Variants in SLC7A1 observed in about 807,000 individuals in gnomAD.
SLC7A1 encodes solute carrier family 7 member 1, also known as high affinity cationic amino acid transporter 1.
A neutral mutation model predicts 53.9 loss-of-function variants in SLC7A1; 10 were observed. That is an observed-to-expected ratio of 0.19 (90% CI 0.11 to 0.31). The LOEUF is 0.31. SLC7A1 is among the 10% of genes least tolerant of loss of function. The pLI, the probability that SLC7A1 is intolerant of heterozygous loss-of-function variation, is 1.00. For synonymous variants in SLC7A1, 342 were observed against 338.7 expected (o/e 1.01, Z -0.11); for missense variants, 525 against 827.2 (o/e 0.63, Z 4.48).
intron 1 of SLC7A1, among the ~76,000 whole-genome samples, chr13:29,561,811 ATGG>A (rs1870770168): frequency 6.6e-6 from 1 of 152,108 alleles, no homozygotes; most frequent in African/African-American, 2.4e-5. Flanking sequence ...GGCCCCACAC[ATGG>A]CACCACCGGA....
intron 1 of SLC7A1, among the ~76,000 whole-genome samples, chr13:29,586,013 T>G (rs1871864814): frequency 6.6e-6 from 1 of 152,210 alleles, no homozygotes; most frequent in Admixed American, 6.5e-5. Context: ...GCCCAAAGGT[T>G]CCTTAGTTAC....
chr13:29,537,683 A>G (rs1367091068), intron 2 of SLC7A1, among the ~76,000 whole-genome samples: 2 of 152,184 alleles, frequency 1.3e-5, no homozygotes, highest in Non-Finnish European at 2.9e-5. Flanking sequence ...TATAAATCTA[A>G]CACTATCCTA....
At position 29,588,763 on chromosome 13, in the gene SLC7A1, C is replaced by T. The variant is rs1232451137; in HGVS notation, c.-115+6653G>A. 3.3e-5 allele frequency among the ~76,000 whole-genome samples: 5 copies of T among 152,146 alleles called. 1 individual carries two copies. In the East Asian group the frequency reaches 9.6e-4, roughly 29 times the overall value. Reference sequence around the variant, plus strand: ...CAAGTGATCTGTTTGCCTCAGCCTCCCAAAGTGCTGGGATTACAGGCGTGA... The same window carrying T: ...CAAGTGATCTGTTTGCCTCAGCCTCTCAAAGTGCTGGGATTACAGGCGTGA... On this transcript the variant is annotated intron_variant, in intron 1 of 12. Transcript: ENST00000380752.
intron 1 of SLC7A1, among the ~76,000 whole-genome samples, chr13:29,568,714 GGAGAAAAAA>G: frequency 6.6e-6 from 1 of 152,160 alleles, no homozygotes; most frequent in Non-Finnish European, 1.5e-5. Flanking sequence ...AGAAGGGGAA[GGAGAAAAAA>G]GAGAAAGAAG....
chr13:29,523,160 G>T, intron 7 of SLC7A1, 106 bp downstream of exon 7: 1 of 905,408 alleles, frequency 1.1e-6, no homozygotes, highest in Non-Finnish European at 1.8e-6. Flanking sequence ...GGTAAAGAAT[G>T]CTGGCAGCCG....
chr13:29,514,659 C>A, intron 12 of SLC7A1, 76 bp from the exon 13 acceptor site: 3 of 1,147,550 alleles, frequency 2.6e-6, no homozygotes, highest in Non-Finnish European at 3.8e-6. Flanking sequence ...GAGCCCAGGG[C>A]GGTCCCACAG....
rs957935993 is a variant in SLC7A1, at chr13:29,535,819, C to T, written c.370G>A (p.Gly124Ser). 2 of 1,611,000 alleles carry T rather than the reference C, an allele frequency of 1.2e-6. No individual in the cohort carries two copies. The highest frequency in any genetic ancestry group is 1.7e-6 in the Non-Finnish European group (2 of 1,177,406). ...GWNLILSYII[G>S]TSSVARAWSA... ...CGAGCTCCGGACCCCTGGGACCTACCGATGATGTAGGAGAGGATTAAGTTC... is the reference window on the plus strand; with the variant it reads ...CGAGCTCCGGACCCCTGGGACCTACTGATGATGTAGGAGAGGATTAAGTTC... The change falls in exon 3 of 13, where the codon GGT (glycine) becomes AGT (serine). Residue 124 changes from glycine (G) to serine (S), a missense_variant and splice_region_variant. Physicochemically the swap from Gly to Ser is moderately conservative, Grantham distance 56. Around this residue, in one of 4 missense-constraint regions of SLC7A1, gnomAD observed 354 missense variants for 587.5 expected, o/e 0.60. Coordinates refer to ENST00000380752, the MANE Select transcript of SLC7A1 (RefSeq NM_003045.5).
chr13:29,567,627 T>A (rs549779518), intron 1 of SLC7A1, among the ~76,000 whole-genome samples: 1 of 152,218 alleles, frequency 6.6e-6, no homozygotes, highest in East Asian at 1.9e-4. Flanking sequence ...CTCCTGGGTG[T>A]TTACAAGCTG....
chr13:29,526,720 A>G (rs750266945), intron 5 of SLC7A1, among the ~76,000 whole-genome samples: 80 of 152,298 alleles, frequency 5.3e-4, no homozygotes, highest in Middle Eastern at 3.4e-3. Flanking sequence ...GCAGACAGGT[A>G]AAGCACACAC....
At chr13:29,576,032 A>G (rs1871394252) in intron 1 of SLC7A1, among the ~76,000 whole-genome samples, 1 of 152,114 alleles carries the variant, frequency 6.6e-6, no homozygotes, top group Middle Eastern at 3.2e-3. Context: ...TCATGCCTAT[A>G]ATCCTAGCAC....
At chr13:29,529,153 A>G (rs1472127716) in intron 5 of SLC7A1, among the ~76,000 whole-genome samples, 2 of 152,250 alleles carry the variant, frequency 1.3e-5, no homozygotes, top group Non-Finnish European at 2.9e-5. Flanking sequence ...ACATATTCAA[A>G]GGCCTCAGTT....
In SLC7A1 at chr13:29,514,401, T is replaced by C. The variant is rs972061285; in HGVS notation, c.*79A>G. On this transcript the variant is annotated 3_prime_UTR_variant, in exon 13 of 13. Transcript: ENST00000380752. The stretch of plus-strand genomic sequence containing the variant: ...ACGCAGGTGGTTTCTGTTGCACTGG[T>C]GGGGAGGGTGGGGTGCCTCCCGGTC... 2.8e-5 allele frequency: 28 copies of C among 992,432 alleles called. No homozygotes were observed. Among genetic ancestry groups the C allele is most frequent in the Non-Finnish European group, 3.7e-5 (24 of 641,774 alleles). The allele number at this position is 992,432 out of a possible 1,614,324, so 61.5% of individuals were successfully genotyped here.
chr13:29,572,891 T>C (rs1871259108), intron 1 of SLC7A1, among the ~76,000 whole-genome samples: 1 of 152,088 alleles, frequency 6.6e-6, no homozygotes, highest in South Asian at 2.1e-4. Flanking sequence ...CATCTAAAGC[T>C]GCACAATTTG....
intron 1 of SLC7A1, among the ~76,000 whole-genome samples, chr13:29,572,474 C>G (rs929801584): frequency 6.6e-6 from 1 of 152,096 alleles, no homozygotes; most frequent in Non-Finnish European, 1.5e-5. Context: ...TCAGGACCCG[C>G]GGCACCAGGG....
Position 29,517,788 on chromosome 13 carries a change from T to A in SLC7A1, c.1295A>T (p.Tyr432Phe), listed in dbSNP as rs1311360749. 6.2e-7 allele frequency: 1 copy of A among 1,613,674 alleles called. No homozygotes were observed. Among genetic ancestry groups the A allele is most frequent in the Admixed American group, 1.7e-5 (1 of 60,028 alleles). The change falls in exon 10 of 13, where the codon TAC (tyrosine) becomes TTC (phenylalanine). Residue 432 changes from tyrosine (Y) to phenylalanine (F), a missense_variant and splice_region_variant. This residue lies in a region of SLC7A1 where 354 missense variants were observed against 587.5 expected (regional missense o/e 0.60). Transcript: ENST00000380752. ...LVAACVLVLR[Y>F]QPEQPNLVYQ... ...TACCAGGTTAGGCTGCTCTGGCTGG[T>A]ACCTGGGAAGAAAGGCATTGCGTGA...
rs1176422609 is a variant in SLC7A1, at chr13:29,513,579, G to C, written c.*901C>G. 1 of 152,764 alleles carries C rather than the reference G, an allele frequency of 6.5e-6. No individual in the cohort carries two copies. The highest frequency in any genetic ancestry group is 1.5e-5 in the Non-Finnish European group (1 of 68,072). 9.5% of individuals were successfully genotyped at this position (152,764 alleles called of 1,614,324 possible). ...CATGGGAGGGCAAGACTGAGTGAACGGTGGCGACTCACAGGAAACAGACTT... is the reference window on the plus strand; with the variant it reads ...CATGGGAGGGCAAGACTGAGTGAACCGTGGCGACTCACAGGAAACAGACTT... On this transcript the variant is annotated 3_prime_UTR_variant, in exon 13 of 13. Transcript: ENST00000380752.
intron 4 of SLC7A1, among the ~76,000 whole-genome samples, chr13:29,532,437 AT>A (rs1869205540): frequency 6.6e-6 from 1 of 152,146 alleles, no homozygotes; most frequent in Non-Finnish European, 1.5e-5. Flanking sequence ...ATTCCTCCAC[AT>A]TTTCCTGGCT....
chr13:29,580,454 C>T (rs1871596698), intron 1 of SLC7A1, among the ~76,000 whole-genome samples: 1 of 152,076 alleles, frequency 6.6e-6, no homozygotes, highest in Non-Finnish European at 1.5e-5. Flanking sequence ...CATGTTACCC[C>T]TCTTCATGCC....
chr13:29,531,362 C>T (rs1869154852), intron 4 of SLC7A1, among the ~76,000 whole-genome samples: 1 of 152,058 alleles, frequency 6.6e-6, no homozygotes, highest in Non-Finnish European at 1.5e-5. Flanking sequence ...GCCCAGGAAC[C>T]TCTGACAGCA....
Sources: allele counts gnomAD v4.1 joint callset (sites outside exome capture counted in the v4.1 genomes callset), GRCh38; gene constraint gnomAD v4.1.1; regional missense constraint gnomAD v4.1.1; transcripts MANE v1.5; gene names NCBI Gene and HGNC (gene_info 2026-07-23, HGNC 2026-07-21).